Variants in CARMIL1 observed in about 807,000 individuals in gnomAD.
CARMIL1 encodes capping protein regulator and myosin 1 linker 1.
A neutral mutation model predicts 177.1 loss-of-function variants in CARMIL1; 90 were observed. The ratio of observed to expected loss-of-function variants is 0.51; its 90% CI spans 0.43 to 0.61. The LOEUF is 0.61. Ranked by LOEUF, CARMIL1 falls within the 20% of genes least tolerant of loss-of-function variation. The pLI is 0.00. For missense variants in CARMIL1, 1,380 were observed against 1,667.0 expected, an observed-to-expected ratio of 0.83 and a Z score of 3.00; for synonymous variants, 577 against 606.2, an observed-to-expected ratio of 0.95 and a Z score of 0.71.
intron 2 of CARMIL1, among the ~76,000 whole-genome samples, chr6:25,364,038 T>C (rs76119492): frequency 0.069 from 10,546 of 151,812 alleles, 381 homozygotes; most frequent in Non-Finnish European, 0.091. Context: ...ACCTCCTGGG[T>C]TCAAGCGATC....
At position 25,500,214 on chromosome 6, in the gene CARMIL1, T is replaced by C; in HGVS notation, c.1374T>C (p.Ser458=). 1 of 1,613,972 alleles carries C rather than the reference T, an allele frequency of 6.2e-7. No homozygotes were observed. Among genetic ancestry groups the C allele is most frequent in the Non-Finnish European group, 8.5e-7 (1 of 1,179,850 alleles). Residue 458 remains serine (S), a synonymous_variant, in exon 17 of 37, where the codon TCT becomes TCC. Transcript: ENST00000329474. ...GTAATCATAACTTGAAAGGGGTTTCTCTGGATCTCAGCAACTGTGAGGTAA... is the reference window on the plus strand; with the variant it reads ...GTAATCATAACTTGAAAGGGGTTTCCCTGGATCTCAGCAACTGTGAGGTAA... ...LACNHNLKGV[S]LDLSNCELRS... is the part of the protein sequence containing the mutation.
intron 5 of CARMIL1, among the ~76,000 whole-genome samples, chr6:25,449,300 T>C (rs757102860): frequency 2.0e-5 from 3 of 152,136 alleles, no homozygotes; most frequent in Non-Finnish European, 2.9e-5. Context: ...AAAGGAAACT[T>C]TGGGATGGTT....
chr6:25,413,817 T>C (rs1241445979), intron 2 of CARMIL1, among the ~76,000 whole-genome samples: 1 of 152,190 alleles, frequency 6.6e-6, no homozygotes, highest in East Asian at 1.9e-4. Flanking sequence ...ACCCTAATTT[T>C]TTTTTTAACT....
chr6:25,431,815 G>A (rs1796815826), intron 4 of CARMIL1, among the ~76,000 whole-genome samples: 1 of 152,064 alleles, frequency 6.6e-6, no homozygotes, highest in Non-Finnish European at 1.5e-5. Context: ...CTCAGCCCCT[G>A]TCAGTGTCAG....
intron 17 of CARMIL1, among the ~76,000 whole-genome samples, chr6:25,504,039 T>C (rs1364057058): frequency 2.0e-5 from 3 of 152,184 alleles, no homozygotes; most frequent in Admixed American, 1.3e-4. Context: ...GAAGCTATTG[T>C]GAGATACCTT....
At chr6:25,383,775 G>A (rs1791850879) in intron 2 of CARMIL1, 1 of 151,768 alleles carries the variant, frequency 6.6e-6, no homozygotes, top group African/African-American at 2.4e-5. Context: ...AAATAATTAT[G>A]GGAACTTTTA....
At chr6:25,584,864 G>A (rs1169372122) in intron 31 of CARMIL1, among the ~76,000 whole-genome samples, 1 of 152,184 alleles carries the variant, frequency 6.6e-6, no homozygotes. Context: ...AAATGCCAAG[G>A]CACCATATTT....
chr6:25,363,239 A>G (rs1789421062), intron 2 of CARMIL1, among the ~76,000 whole-genome samples: 1 of 151,550 alleles, frequency 6.6e-6, no homozygotes, highest in African/African-American at 2.4e-5. Flanking sequence ...TTGGATAGGG[A>G]TTTTCTTTTT....
chr6:25,316,796 G>A (rs1056332662), intron 2 of CARMIL1, among the ~76,000 whole-genome samples: 33 of 152,106 alleles, frequency 2.2e-4, no homozygotes, highest in African/African-American at 7.7e-4. Context: ...GTAACTGACT[G>A]TGGACAATCA....
chr6:25,576,187 T>C (rs989957494), intron 29 of CARMIL1, among the ~76,000 whole-genome samples: 4 of 152,154 alleles, frequency 2.6e-5, no homozygotes, highest in Non-Finnish European at 5.9e-5. Context: ...CTAACAAAAT[T>C]TAATGATGAC....
At chr6:25,573,568 A>G (rs1812301366) in intron 29 of CARMIL1, among the ~76,000 whole-genome samples, 1 of 141,764 alleles carries the variant, frequency 7.1e-6, no homozygotes, top group Admixed American at 7.3e-5. Context: ...AGCAATAAGA[A>G]AACGGAGGGT....
Position 25,326,921 on chromosome 6 carries a change from T to G in CARMIL1, c.138+42012T>G, listed in dbSNP as rs2744303. Among the ~76,000 whole-genome samples, 66,636 of 151,862 alleles carry G rather than the reference T, an allele frequency of 0.44. 14,666 individuals carry two copies. Among genetic ancestry groups the G allele is most frequent in the African/African-American group, 0.48 (19,754 of 41,402 alleles). On this transcript the variant is annotated intron_variant, in intron 2 of 36. Transcript: ENST00000329474. This position sits in a 1 kb window ranked among gnomAD's most constrained non-coding sequence, Gnocchi z 4.2. ...GCAACCTGATAAGGACCTTGTTTATTGTGATGAGGGAGACTGGTGGGGGTA... is the reference window on the plus strand; with the variant it reads ...GCAACCTGATAAGGACCTTGTTTATGGTGATGAGGGAGACTGGTGGGGGTA...
intron 13 of CARMIL1, among the ~76,000 whole-genome samples, chr6:25,491,235 C>T (rs1803200844): frequency 6.6e-6 from 1 of 152,182 alleles, no homozygotes; most frequent in African/African-American, 2.4e-5. Flanking sequence ...CCAAGCCATT[C>T]TTGTTAGCTT....
intron 31 of CARMIL1, among the ~76,000 whole-genome samples, chr6:25,590,474 T>A (rs1315711433): frequency 6.6e-6 from 1 of 152,176 alleles, no homozygotes; most frequent in Non-Finnish European, 1.5e-5. Context: ...AGTTTGGCTT[T>A]CAAAGTTATA....
chr6:25,313,172 A>T (rs1783973834), intron 2 of CARMIL1, among the ~76,000 whole-genome samples: 1 of 151,856 alleles, frequency 6.6e-6, no homozygotes, highest in South Asian at 2.1e-4. Flanking sequence ...CACATAGTAA[A>T]CACAGTTATC....
intron 16 of CARMIL1, among the ~76,000 whole-genome samples, chr6:25,499,634 G>A (rs1232726388): frequency 6.6e-6 from 1 of 152,150 alleles, no homozygotes; most frequent in African/African-American, 2.4e-5. Flanking sequence ...CATATGCCTT[G>A]TTTTATACCC....
At chr6:25,514,708 G>A (rs758151833) in intron 20 of CARMIL1, among the ~76,000 whole-genome samples, 4 of 152,028 alleles carry the variant, frequency 2.6e-5, no homozygotes, top group Non-Finnish European at 5.9e-5. Flanking sequence ...GATCACTTGA[G>A]CCTGGGAGTT....
intron 36 of CARMIL1, among the ~76,000 whole-genome samples, chr6:25,619,069 AG>A (rs1562349483): frequency 6.6e-6 from 1 of 152,126 alleles, no homozygotes; most frequent in Non-Finnish European, 1.5e-5. Flanking sequence ...GTGCTGTGTG[AG>A]GGGGCAGCTA....
At chr6:25,426,444 G>A in intron 3 of CARMIL1, 57 bp from the exon 4 acceptor site, 1 of 863,534 alleles carries the variant, frequency 1.2e-6, no homozygotes, top group Non-Finnish European at 1.8e-6. Context: ...TAAGTTATAT[G>A]TTTTTTTAAA....
Sources: allele counts gnomAD v4.1 joint callset (sites outside exome capture counted in the v4.1 genomes callset), GRCh38; gene constraint gnomAD v4.1.1; non-coding constraint Gnocchi (gnomAD v3.1); transcripts MANE v1.5; gene names NCBI Gene and HGNC (gene_info 2026-07-23, HGNC 2026-07-21).